ASXL3: variants seen among roughly 807,000 people sequenced by gnomAD.
ASXL3 encodes putative Polycomb group protein ASXL3.
In ASXL3, 34 loss-of-function variants were observed where a neutral mutation model predicts 170.6. That is an observed-to-expected ratio of 0.20 (90% CI 0.15 to 0.27). ASXL3 has a LOEUF of 0.27. Among genes scored for constraint, ASXL3 ranks in the 10% least tolerant of loss-of-function variants. ASXL3 has a pLI of 1.00. For synonymous variants in ASXL3, 1,002 were observed against 989.1 expected (o/e 1.01, Z -0.24); for missense variants, 2,592 against 2,695.3 (o/e 0.96, Z 0.85).
At chr18:33,693,748 C>T (rs1025289200) in intron 8 of ASXL3, among the ~76,000 whole-genome samples, 1 of 152,108 alleles carries the variant, frequency 6.6e-6, no homozygotes, top group East Asian at 1.9e-4. Flanking sequence ...ATGCATTTAT[C>T]TTGGTAACAC....
chr18:33,635,847 C>T (rs1442520827), intron 2 of ASXL3, among the ~76,000 whole-genome samples: 1 of 152,170 alleles, frequency 6.6e-6, no homozygotes, highest in African/African-American at 2.4e-5. Context: ...TTTATGTCTA[C>T]ACATCCATGA....
At chr18:33,714,819 ATTTCTT>A (rs1378319284) in intron 8 of ASXL3, among the ~76,000 whole-genome samples, 1 of 151,300 alleles carries the variant, frequency 6.6e-6, no homozygotes, top group Non-Finnish European at 1.5e-5. Context: ...GCTCTCCTCT[ATTTCTT>A]TTTGTTTAAA....
rs149599796 is a variant in ASXL3, at chr18:33,668,961, G to A, written c.478-1712G>A. Among the ~76,000 whole-genome samples the A allele has an allele frequency of 5.5e-3, 840 of 151,846 alleles. 7 individuals carry two copies. Among genetic ancestry groups the A allele is most frequent in the Middle Eastern group, 0.024 (7 of 292 alleles). ...TGTCTAATTTTTTTTTCCATGAGAA[G>A]TAGTTTAAATATATGCTATAAAGAC... On this transcript the variant is annotated intron_variant, in intron 5 of 11. Coordinates refer to ENST00000269197, the MANE Select transcript of ASXL3 (RefSeq NM_030632.3).
Position 33,738,527 on chromosome 18 carries a change from G to A in ASXL3, c.1123G>A (p.Gly375Arg), listed in dbSNP as rs2067587549. 2 of 1,613,574 alleles carry A rather than the reference G, an allele frequency of 1.2e-6. No individual in the cohort carries two copies. Among genetic ancestry groups the A allele is most frequent in the East Asian group, 4.5e-5 (2 of 44,844 alleles). The change falls in exon 11 of 12, where the codon GGA becomes AGA. Residue 375 changes from glycine to arginine, a missense_variant. By Grantham distance (125) the Gly-to-Arg change is moderately radical (BLOSUM62 -2). Transcript: ENST00000269197. The stretch of plus-strand genomic sequence containing the variant: ...AGAGGAATCTGTGAAGCTCACTACT[G>A]GACCAAACAACGCTGGAGCTCAAAG... ...SREESVKLTT[G>R]PNNAGAQSSS...
chr18:33,726,471 A>C (rs2067352588), intron 8 of ASXL3, among the ~76,000 whole-genome samples: 1 of 152,170 alleles, frequency 6.6e-6, no homozygotes, highest in Admixed American at 6.6e-5. Flanking sequence ...ATATGAAATG[A>C]GATGTGCTAT....
At chr18:33,659,693 T>C (rs1027959622) in intron 4 of ASXL3, among the ~76,000 whole-genome samples, 1 of 152,234 alleles carries the variant, frequency 6.6e-6, no homozygotes, top group Admixed American at 6.5e-5. Flanking sequence ...TTAAAAATTA[T>C]TCCAGTGATT....
intron 2 of ASXL3, among the ~76,000 whole-genome samples, chr18:33,616,905 C>T (rs151136204): frequency 2.2e-4 from 33 of 152,200 alleles, no homozygotes; most frequent in African/African-American, 6.3e-4. Flanking sequence ...TTAATCACTT[C>T]GCTAGAGGGC....
At chr18:33,609,389 ATTC>A (rs1213687798) in intron 2 of ASXL3, among the ~76,000 whole-genome samples, 1 of 151,988 alleles carries the variant, frequency 6.6e-6, no homozygotes, top group Non-Finnish European at 1.5e-5. Flanking sequence ...TCATTAAGAT[ATTC>A]TTCTCCACAG....
intron 8 of ASXL3, among the ~76,000 whole-genome samples, chr18:33,714,704 G>A (rs762541910): frequency 6.6e-6 from 1 of 151,936 alleles, no homozygotes; most frequent in Non-Finnish European, 1.5e-5. Context: ...TGGACCTGTG[G>A]GGTACATGTT....
Position 33,607,640 on chromosome 18 carries a change from TG to T in ASXL3, c.103del (p.Glu35LysfsTer8). ...TCACCAATGACAGCAAAGCAGATAT[TG>T]GAAGTCATTCAGAAAGAAGGGTTAA... The part of the protein sequence containing the change: ...PNSPMTAKQI[L>X]EVIQKEGLKE... On this transcript the variant is annotated frameshift_variant, in exon 2 of 12. Transcript: ENST00000269197. LOFTEE classifies it high-confidence loss of function. 6.3e-7 allele frequency: 1 copy of T among 1,589,496 alleles called. No homozygotes were observed. Among genetic ancestry groups the T allele is most frequent in the Non-Finnish European group, 8.6e-7 (1 of 1,167,056 alleles).
chr18:33,609,132 G>A (rs912224218), intron 2 of ASXL3: 2 of 918,714 alleles, frequency 2.2e-6, no homozygotes, highest in African/African-American at 3.6e-5. Flanking sequence ...TAACCCGGAT[G>A]TCAGTTTAAG....
intron 2 of ASXL3, chr18:33,614,258 T>G (rs762685147): frequency 8.5e-5 from 13 of 152,170 alleles, no homozygotes; most frequent in Admixed American, 2.0e-4. Context: ...TTTATTTGTA[T>G]TTCAACAATG....
chr18:33,670,475 G>A (rs1328680034), intron 5 of ASXL3, among the ~76,000 whole-genome samples, 198 bp from the exon 6 acceptor site: 1 of 152,112 alleles, frequency 6.6e-6, no homozygotes, highest in Non-Finnish European at 1.5e-5. Context: ...TATACCCTTT[G>A]CCAAAGCCTG....
intron 7 of ASXL3, among the ~76,000 whole-genome samples, chr18:33,677,884 G>A (rs113717604): frequency 5.3e-5 from 8 of 151,896 alleles, no homozygotes; most frequent in Non-Finnish European, 7.4e-5. Flanking sequence ...TTCTCTGAGC[G>A]CCATTTAATT....
At chr18:33,689,190 C>T (rs369529790) in intron 8 of ASXL3, among the ~76,000 whole-genome samples, 6 of 152,094 alleles carry the variant, frequency 3.9e-5, no homozygotes, top group Admixed American at 6.5e-5. Flanking sequence ...GATGGGGTTT[C>T]GCCATGTTGG....
intron 2 of ASXL3, among the ~76,000 whole-genome samples, chr18:33,628,264 C>T (rs926729878): frequency 1.3e-5 from 2 of 152,032 alleles, no homozygotes; most frequent in Non-Finnish European, 2.9e-5. Context: ...CGGTCTCGCC[C>T]ATTCCAAAGC....
In ASXL3 at chr18:33,745,914, T is replaced by TCCCCC; in HGVS notation, c.6067_6071dup (p.Pro2026LeufsTer56). 7.5e-7 allele frequency: 1 copy of TCCCCC among 1,339,478 alleles called. No individual in the cohort carries two copies. Among genetic ancestry groups the TCCCCC allele is most frequent in the South Asian group, 1.3e-5 (1 of 79,276 alleles). 83.0% of individuals were successfully genotyped at this position (1,339,478 alleles called of 1,614,324 possible). ...TAGTACATCCGCCGCCGCCACCGCC[T>TCCCCC]CCCCCTCCCCCTCCACCCTTGGCTT... On this transcript the variant is annotated frameshift_variant, in exon 12 of 12. Coordinates refer to ENST00000269197, the MANE Select transcript of ASXL3 (RefSeq NM_030632.3). LOFTEE classifies it high-confidence loss of function.
At chr18:33,652,566 A>G (rs939014959) in intron 4 of ASXL3, among the ~76,000 whole-genome samples, 1 of 133,452 alleles carries the variant, frequency 7.5e-6, no homozygotes, top group South Asian at 2.6e-4. Context: ...GCAGCACTCT[A>G]GCAAGGGAAT....
chr18:33,721,506 C>T (rs2067259587), intron 8 of ASXL3, among the ~76,000 whole-genome samples: 1 of 151,986 alleles, frequency 6.6e-6, no homozygotes, highest in Admixed American at 6.6e-5. Flanking sequence ...GATGTACATA[C>T]ATACACATAT....
Sources: gnomAD v4.1 joint callset for allele counts (sites outside exome capture counted in the v4.1 genomes callset) on GRCh38, gnomAD v4.1.1 for gene constraint, MANE v1.5 for transcripts, NCBI Gene and HGNC (gene_info 2026-07-23, HGNC 2026-07-21) for gene names.